KCNMB2: variants seen among roughly 807,000 people sequenced by gnomAD.
The protein encoded by KCNMB2 is calcium-activated potassium channel subunit beta-2.
Under a neutral mutation model 24.5 loss-of-function variants are expected in KCNMB2, and 9 were observed. That is an observed-to-expected ratio of 0.37 (90% CI 0.22 to 0.64). The LOEUF (loss-of-function observed/expected upper bound fraction) is 0.64. KCNMB2 is among the 30% of genes least tolerant of loss of function. The probability of loss-of-function intolerance (pLI) is 0.63; values close to 1 mark genes in which losing one functional copy is unlikely to be tolerated. For synonymous variants in KCNMB2, 109 were observed against 104.4 expected, an observed-to-expected ratio of 1.04 and a Z score of -0.27; for missense variants, 226 against 284.3, an observed-to-expected ratio of 0.79 and a Z score of 1.47.
At chr3:178,742,318 G>A (rs906147655) in intron 1 of KCNMB2, among the ~76,000 whole-genome samples, 1 of 152,152 alleles carries the variant, frequency 6.6e-6, no homozygotes, top group Non-Finnish European at 1.5e-5. Context: ...TTCTACACCT[G>A]CACACCTATG....
Position 178,781,575 on chromosome 3 carries a change from G to A in KCNMB2, c.-67-25768G>A, listed in dbSNP as rs571503734. ...CCACTGCACTCCAGCCTTGGAGCAA[G>A]ACTCTGTCTAAAAATTTAAAAAATA... On this transcript the variant is annotated intron_variant, in intron 1 of 4. Coordinates refer to ENST00000452583, the MANE Select transcript of KCNMB2 (RefSeq NM_181361.3). Among the ~76,000 whole-genome samples, 6 of 151,890 alleles carry A rather than the reference G, an allele frequency of 4.0e-5. No homozygotes were observed. The South Asian group carries it at 1.2e-3, about 32-fold the overall frequency.
At chr3:178,778,192 G>A (rs1204181703) in intron 1 of KCNMB2, among the ~76,000 whole-genome samples, 1 of 152,110 alleles carries the variant, frequency 6.6e-6, no homozygotes, top group African/African-American at 2.4e-5. Flanking sequence ...TCAGTTTCAA[G>A]AAGGTGAAAA....
At chr3:178,766,367 A>T (rs960138649) in intron 1 of KCNMB2, among the ~76,000 whole-genome samples, 54 of 151,856 alleles carry the variant, frequency 3.6e-4, no homozygotes, top group Non-Finnish European at 3.1e-4. Context: ...TTATTTTTTT[A>T]TTTTTTTATG....
intron 1 of KCNMB2, among the ~76,000 whole-genome samples, chr3:178,759,316 GAT>G (rs775862765): frequency 0.016 from 950 of 57,756 alleles, 49 homozygotes; most frequent in African/African-American, 0.019. Context: ...TCTCCAAGAG[GAT>G]ATATATATAT....
intron 1 of KCNMB2, among the ~76,000 whole-genome samples, chr3:178,602,689 C>A (rs575573076): frequency 6.6e-6 from 1 of 152,012 alleles, no homozygotes; most frequent in South Asian, 2.1e-4. Flanking sequence ...AGAGAGGAGG[C>A]AGGGTGAGTA....
chr3:178,768,164 C>T (rs1254906511), intron 1 of KCNMB2, among the ~76,000 whole-genome samples: 1 of 152,150 alleles, frequency 6.6e-6, no homozygotes, highest in East Asian at 1.9e-4. Context: ...TGCTCCTGGA[C>T]ATAAAATCTT....
At chr3:178,787,391 A>C (rs1170608096) in intron 1 of KCNMB2, among the ~76,000 whole-genome samples, 1 of 152,184 alleles carries the variant, frequency 6.6e-6, no homozygotes, top group Non-Finnish European at 1.5e-5. Context: ...ATACGCACAT[A>C]TATGGTATAA....
chr3:178,672,116 AAGT>A (rs1251351017), intron 1 of KCNMB2, among the ~76,000 whole-genome samples: 1 of 152,156 alleles, frequency 6.6e-6, no homozygotes, highest in Non-Finnish European at 1.5e-5. Context: ...GCTGATGTGG[AAGT>A]CTGGCACCCT....
intron 1 of KCNMB2, among the ~76,000 whole-genome samples, chr3:178,696,761 T>C (rs2108335120): frequency 6.6e-6 from 1 of 152,312 alleles, no homozygotes; most frequent in South Asian, 2.1e-4. Flanking sequence ...CCTTTTAACA[T>C]CACCTTAGCT....
At chr3:178,710,362 A>T (rs948375282) in intron 1 of KCNMB2, among the ~76,000 whole-genome samples, 1 of 152,096 alleles carries the variant, frequency 6.6e-6, no homozygotes, top group African/African-American at 2.4e-5. Context: ...ACTACCTTGA[A>T]CTACCCATAT....
intron 1 of KCNMB2, among the ~76,000 whole-genome samples, chr3:178,596,731 C>A (rs73054323): frequency 8.4e-4 from 128 of 151,720 alleles, no homozygotes; most frequent in African/African-American, 2.9e-3. Flanking sequence ...AACCCTGATA[C>A]AATTAGTGAA....
intron 1 of KCNMB2, among the ~76,000 whole-genome samples, chr3:178,584,485 G>T (rs1297654330): frequency 7.1e-6 from 1 of 140,650 alleles, no homozygotes. Context: ...TTACCTCACA[G>T]AGCTGTTGTG....
At chr3:178,590,575 T>A (rs1031276112) in intron 1 of KCNMB2, among the ~76,000 whole-genome samples, 1 of 152,220 alleles carries the variant, frequency 6.6e-6, no homozygotes, top group African/African-American at 2.4e-5. Context: ...GCACTTTGTA[T>A]ATTCCAGATA....
At chr3:178,655,928 T>C (rs1166913814) in intron 1 of KCNMB2, among the ~76,000 whole-genome samples, 1 of 152,218 alleles carries the variant, frequency 6.6e-6, no homozygotes, top group Non-Finnish European at 1.5e-5. Context: ...ACTATCAGCC[T>C]TCTTTTACCG....
chr3:178,581,924 T>G (rs1170781300), intron 1 of KCNMB2, among the ~76,000 whole-genome samples: 1 of 152,234 alleles, frequency 6.6e-6, no homozygotes. Context: ...GAGTGTATAT[T>G]AGTTCAACCA....
At chr3:178,594,606 A>G (rs1456958514) in intron 1 of KCNMB2, among the ~76,000 whole-genome samples, 4 of 152,092 alleles carry the variant, frequency 2.6e-5, no homozygotes, top group African/African-American at 7.2e-5. Flanking sequence ...AATCCTGGAA[A>G]TGTTGAATTG....
chr3:178,613,637 T>C (rs1473646858), intron 1 of KCNMB2, among the ~76,000 whole-genome samples: 2 of 152,166 alleles, frequency 1.3e-5, no homozygotes, highest in Non-Finnish European at 2.9e-5. Flanking sequence ...AGTTTAAATA[T>C]GTCATGCCAC....
intron 2 of KCNMB2, among the ~76,000 whole-genome samples, chr3:178,811,678 A>G (rs1714199263): frequency 6.6e-6 from 1 of 152,164 alleles, no homozygotes; most frequent in Non-Finnish European, 1.5e-5. Flanking sequence ...CTATTCTTCT[A>G]CATGTCTCTT....
At chr3:178,812,465 C>A (rs145947777) in intron 2 of KCNMB2, among the ~76,000 whole-genome samples, 1 of 146,374 alleles carries the variant, frequency 6.8e-6, no homozygotes, top group Non-Finnish European at 1.5e-5. Flanking sequence ...TCAATTCCCA[C>A]CTATGAGTGA....
Sources: allele counts gnomAD v4.1 joint callset (sites outside exome capture counted in the v4.1 genomes callset), GRCh38; gene constraint gnomAD v4.1.1; transcripts MANE v1.5; gene names NCBI Gene and HGNC (gene_info 2026-07-23, HGNC 2026-07-21).